The following ZFAND3 variants were observed in gnomAD, a reference collection of about 807,000 sequenced individuals.
The protein encoded by ZFAND3 is AN1-type zinc finger protein 3.
ZFAND3 carries 10 observed loss-of-function variants against 29.6 expected under a neutral mutation model. The ratio of observed to expected loss-of-function variants is 0.34; its 90% CI spans 0.21 to 0.57. The LOEUF (loss-of-function observed/expected upper bound fraction) is 0.57, where lower values mean the gene tolerates loss of function less well. Among genes scored for constraint, ZFAND3 ranks in the 20% least tolerant of loss-of-function variants. The pLI is 0.86. For synonymous variants in ZFAND3, 128 were observed against 112.6 expected, an observed-to-expected ratio of 1.14 and a Z score of -0.87; for missense variants, 230 against 304.5, an observed-to-expected ratio of 0.76 and a Z score of 1.82.
chr6:37,869,132 A>G (rs527507046), intron 1 of ZFAND3, among the ~76,000 whole-genome samples: 72 of 152,232 alleles, frequency 4.7e-4, no homozygotes, highest in Middle Eastern at 3.4e-3. Flanking sequence ...TCATTTAATA[A>G]TATATGTATG....
At chr6:37,946,816 C>T (rs1262163961) in intron 2 of ZFAND3, among the ~76,000 whole-genome samples, 2 of 152,030 alleles carry the variant, frequency 1.3e-5, no homozygotes, top group African/African-American at 2.4e-5. Context: ...GCTTACGTGA[C>T]GTACCTACAG....
At position 37,884,542 on chromosome 6, in the gene ZFAND3, A is replaced by G. The variant is rs951472029; in HGVS notation, c.72-45417A>G. On this transcript the variant is annotated intron_variant, in intron 1 of 5. Coordinates refer to ENST00000287218, the MANE Select transcript of ZFAND3 (RefSeq NM_021943.3). ...AAAGAATTACATCAGGTAAGTTTGC[A>G]TGTCTTTTGAGAGATTGTTAGGCTG... Among the ~76,000 whole-genome samples the G allele has an allele frequency of 1.9e-4, 27 of 140,762 alleles. 1 individual carries two copies. Among genetic ancestry groups the G allele is most frequent in the Non-Finnish European group, 3.8e-4 (25 of 66,546 alleles). The allele number at this position is 140,762 out of a possible 152,430, so 92.3% of individuals were successfully genotyped here.
chr6:37,865,217 C>CT (rs1246855867), intron 1 of ZFAND3, among the ~76,000 whole-genome samples: 7 of 152,164 alleles, frequency 4.6e-5, no homozygotes, highest in Admixed American at 3.3e-4. Flanking sequence ...TTTCCATAAA[C>CT]TTGCGTACAT....
chr6:37,871,224 T>C (rs1764690122), intron 1 of ZFAND3, among the ~76,000 whole-genome samples: 1 of 152,254 alleles, frequency 6.6e-6, no homozygotes, highest in African/African-American at 2.4e-5. Context: ...CTAAGTTTAC[T>C]GACTCTTCCT....
intron 4 of ZFAND3, among the ~76,000 whole-genome samples, chr6:38,112,871 T>C (rs542463960): frequency 6.6e-6 from 1 of 152,362 alleles, no homozygotes; most frequent in African/African-American, 2.4e-5. Context: ...GATGATTCTA[T>C]AGATTACTAT....
At chr6:37,988,474 C>T (rs985842813) in intron 2 of ZFAND3, among the ~76,000 whole-genome samples, 1 of 152,166 alleles carries the variant, frequency 6.6e-6, no homozygotes, top group Non-Finnish European at 1.5e-5. Flanking sequence ...CTTTGTATCT[C>T]GCAATTCCTG....
chr6:37,890,428 C>G (rs180768539), intron 1 of ZFAND3, among the ~76,000 whole-genome samples: 178 of 152,280 alleles, frequency 1.2e-3, no homozygotes, highest in Middle Eastern at 0.01. Context: ...GCCCTCAGCT[C>G]TCTTGTTCTG....
chr6:38,001,638 A>G (rs1762950200), intron 2 of ZFAND3, among the ~76,000 whole-genome samples: 2 of 152,104 alleles, frequency 1.3e-5, no homozygotes, highest in Non-Finnish European at 2.9e-5. Flanking sequence ...TTTTTCAGCC[A>G]TTAATTCATC....
intron 1 of ZFAND3, among the ~76,000 whole-genome samples, chr6:37,901,868 A>G (rs1765324900): frequency 1.3e-5 from 2 of 152,212 alleles, no homozygotes; most frequent in Non-Finnish European, 2.9e-5. Context: ...TAAGTACTGG[A>G]GAGACCTTCT....
intron 2 of ZFAND3, among the ~76,000 whole-genome samples, chr6:37,945,889 A>G (rs1761892066): frequency 6.6e-6 from 1 of 152,204 alleles, no homozygotes; most frequent in Non-Finnish European, 1.5e-5. Flanking sequence ...TGCTTATCAG[A>G]CACCTGGATA....
chr6:38,105,628 A>G (rs886818152), intron 4 of ZFAND3, among the ~76,000 whole-genome samples: 3 of 152,142 alleles, frequency 2.0e-5, no homozygotes, highest in Non-Finnish European at 2.9e-5. Context: ...GGAATGTTGT[A>G]TGTCTTGATG....
chr6:38,033,667 G>C (rs1053011842), intron 2 of ZFAND3, among the ~76,000 whole-genome samples: 5 of 152,118 alleles, frequency 3.3e-5, no homozygotes, highest in Non-Finnish European at 1.5e-5. Context: ...CTATGTCAGT[G>C]CCTATAATTG....
At chr6:38,144,202 T>TATATATATA (rs1766038851) in intron 5 of ZFAND3, among the ~76,000 whole-genome samples, 2 of 41,206 alleles carry the variant, frequency 4.9e-5, no homozygotes, top group Admixed American at 3.8e-4. Flanking sequence ...TATATATATA[T>TATATATATA]ATATATATAA....
intron 2 of ZFAND3, among the ~76,000 whole-genome samples, chr6:38,015,066 G>A (rs1335042339): frequency 6.6e-6 from 1 of 152,184 alleles, no homozygotes; most frequent in Admixed American, 6.5e-5. Context: ...AGGTCTACAA[G>A]GAGGAGGAGT....
chr6:37,944,611 G>A (rs1400708124), intron 2 of ZFAND3, among the ~76,000 whole-genome samples: 1 of 152,206 alleles, frequency 6.6e-6, no homozygotes, highest in Non-Finnish European at 1.5e-5. Flanking sequence ...TGATGACTGA[G>A]GTCTTGTGTT....
At position 38,073,243 on chromosome 6, in the gene ZFAND3, A is replaced by G. The variant is rs1764490041; in HGVS notation, c.296-9149A>G. 2.0e-5 allele frequency among the ~76,000 whole-genome samples: 3 copies of G among 151,352 alleles called. No individual in the cohort carries two copies. The Admixed American group carries it at 2.0e-4, about 10-fold the overall frequency. ...CTCTTAGGAAGAACATGCACCAGTC[A>G]TTTCCCTTTCTAAGGAAAGTGTTGC... On this transcript the variant is annotated intron_variant, in intron 3 of 5. Transcript: ENST00000287218.
At position 37,819,925 on chromosome 6, in the gene ZFAND3, G is replaced by T. The variant is rs1763628343; in HGVS notation, c.-21G>T. 2 of 1,210,226 alleles carry T rather than the reference G, an allele frequency of 1.7e-6. No homozygotes were observed. The highest frequency in any genetic ancestry group is 6.9e-5 in the East Asian group (2 of 28,846). The allele number at this position is 1,210,226 out of a possible 1,614,324, so 75.0% of individuals were successfully genotyped here. Reference sequence around the variant, plus strand: ...CCGCCGCCACCGCTGCCGCCGCCGAGCTCCGCCGCCGCCGAGCACCATGGG... The same window carrying T: ...CCGCCGCCACCGCTGCCGCCGCCGATCTCCGCCGCCGCCGAGCACCATGGG... On this transcript the variant is annotated 5_prime_UTR_variant, in exon 1 of 6. Coordinates refer to ENST00000287218, the MANE Select transcript of ZFAND3 (RefSeq NM_021943.3).
rs1765129341 is a variant in ZFAND3, at chr6:38,103,292, G to A, written c.362-13280G>A. Among the ~76,000 whole-genome samples, 2 of 151,596 alleles carry A rather than the reference G, an allele frequency of 1.3e-5. 1 individual carries two copies. Among genetic ancestry groups the A allele is most frequent in the South Asian group, 4.2e-4 (2 of 4,798 alleles). On this transcript the variant is annotated intron_variant, in intron 4 of 5. Transcript: ENST00000287218. ...AGTCACAGTTTCTAAGAGCCTGTCAGCAACATTGAGGACTTAACCGTATAT... is the reference window on the plus strand; with the variant it reads ...AGTCACAGTTTCTAAGAGCCTGTCAACAACATTGAGGACTTAACCGTATAT...
intron 5 of ZFAND3, among the ~76,000 whole-genome samples, chr6:38,121,387 A>G (rs1406334570): frequency 6.6e-6 from 1 of 152,328 alleles, no homozygotes; most frequent in Non-Finnish European, 1.5e-5. Context: ...TTAAAAACTA[A>G]AAAACAAACA....
Sources: gnomAD v4.1 joint callset for allele counts (sites outside exome capture counted in the v4.1 genomes callset) on GRCh38, gnomAD v4.1.1 for gene constraint, MANE v1.5 for transcripts, NCBI Gene and HGNC (gene_info 2026-07-23, HGNC 2026-07-21) for gene names.